Variants in CES5A observed in about 807,000 individuals in gnomAD.
CES5A encodes the protein carboxylesterase 5.
CES5A carries 67 observed loss-of-function variants against 62.9 expected under a neutral mutation model. That is an observed-to-expected ratio of 1.07 (90% CI 0.88 to 1.31). The LOEUF is 1.31. CES5A is among the 50% of genes most tolerant of loss of function. CES5A has a pLI of 0.00. For missense variants in CES5A, 748 were observed against 708.5 expected (o/e 1.06, Z -0.63); for synonymous variants, 296 against 280.8 (o/e 1.05, Z -0.54).
At chr16:55,878,570 C>T (rs2033722549), upstream of CES5A, among the ~76,000 whole-genome samples, 1 of 151,500 alleles carries the variant, frequency 6.6e-6, no homozygotes, top group Non-Finnish European at 1.5e-5. Context: ...CACTGCTACC[C>T]CATCACTGTA....
At chr16:55,918,390 T>C (rs188824306) in intron 1 of CES5A, among the ~76,000 whole-genome samples, 5 of 152,312 alleles carry the variant, frequency 3.3e-5, no homozygotes, top group Admixed American at 3.3e-4. Flanking sequence ...ATCATAATGC[T>C]GGCTCCCTCT....
At chr16:55,870,477 G>T (rs2033560465) in intron 3 of CES5A, among the ~76,000 whole-genome samples, 1 of 152,184 alleles carries the variant, frequency 6.6e-6, no homozygotes, top group Non-Finnish European at 1.5e-5. Context: ...GACGTGGGTG[G>T]ATTGCCTGAG....
chr16:55,882,017 A>G (rs1207359478), intron 1 of CES5A, among the ~76,000 whole-genome samples: 3 of 152,198 alleles, frequency 2.0e-5, no homozygotes, highest in African/African-American at 7.2e-5. Flanking sequence ...CAGGCAGCCA[A>G]CTTGAATGTT....
At chr16:55,898,295 GGC>G (rs1268781645) in intron 1 of CES5A, among the ~76,000 whole-genome samples, 1 of 152,104 alleles carries the variant, frequency 6.6e-6, no homozygotes, top group Non-Finnish European at 1.5e-5. Context: ...TCTGAAACGT[GGC>G]CATGAGGTGT....
Position 55,866,073 on chromosome 16 carries a change from G to A in CES5A, c.595C>T (p.Gln199Ter). The change falls in exon 5 of 13, where the codon CAG becomes TAG. Residue 199 changes from glutamine to a stop codon, truncating the protein, a stop_gained. Transcript: ENST00000290567. LOFTEE classifies it high-confidence loss of function. The part of the protein sequence containing the change: ...HAPGNWAFKD[Q>*]VAALSWVQKN... ...TGGACCCAGGACAGAGCAGCCACCT[G>A]GTCCTTGAAGGCCCAGTTCCCCGGA... 1 of 1,614,074 alleles carries A rather than the reference G, an allele frequency of 6.2e-7. No homozygotes were observed. Among genetic ancestry groups the A allele is most frequent in the Non-Finnish European group, 8.5e-7 (1 of 1,179,972 alleles).
At chr16:55,949,312 T>C (rs1056799832) in intron 2 of CES5A, among the ~76,000 whole-genome samples, 7 of 152,154 alleles carry the variant, frequency 4.6e-5, no homozygotes, top group Non-Finnish European at 5.9e-5. Context: ...GAGGTGATCC[T>C]TCGGAACTGC....
chr16:55,865,828 G>A, intron 5 of CES5A, 135 bp downstream of exon 5: 1 of 977,516 alleles, frequency 1.0e-6, no homozygotes. Context: ...ATAATGTGTT[G>A]TGAGGCTTGA....
chr16:55,928,478 A>C (rs1439232604), upstream of CES5A, among the ~76,000 whole-genome samples: 2 of 152,226 alleles, frequency 1.3e-5, no homozygotes, highest in East Asian at 3.9e-4. Flanking sequence ...CAATGTACAC[A>C]GTTCAGGTGA....
chr16:55,877,355 C>G (rs1325058738), upstream of CES5A, among the ~76,000 whole-genome samples: 1 of 151,710 alleles, frequency 6.6e-6, no homozygotes, highest in African/African-American at 2.4e-5. Context: ...ACCAGAGAGG[C>G]GAAGAATTCT....
upstream of CES5A, among the ~76,000 whole-genome samples, chr16:55,925,777 A>C (rs928534051): frequency 2.0e-5 from 3 of 152,088 alleles, no homozygotes; most frequent in Non-Finnish European, 2.9e-5. Flanking sequence ...CAAATATCAC[A>C]TGTTAAATGG....
chr16:55,878,447 T>C (rs1204113672), upstream of CES5A, among the ~76,000 whole-genome samples: 1 of 151,918 alleles, frequency 6.6e-6, no homozygotes, highest in African/African-American at 2.4e-5. Flanking sequence ...CATAACCTGT[T>C]TCTCCAAACA....
intron 2 of CES5A, chr16:55,949,702 A>G (rs374139307): frequency 4.5e-5 from 21 of 468,404 alleles, no homozygotes; most frequent in African/African-American, 3.4e-4. Flanking sequence ...TATGCCACCA[A>G]TGGAACCATG....
chr16:55,862,775 G>A (rs1303555893), intron 6 of CES5A, among the ~76,000 whole-genome samples: 19 of 152,118 alleles, frequency 1.2e-4, no homozygotes, highest in African/African-American at 3.6e-4. Context: ...TCATTCATCC[G>A]GAACACTTAT....
intron 10 of CES5A, among the ~76,000 whole-genome samples, chr16:55,851,368 T>C (rs1476030536): frequency 6.6e-6 from 1 of 152,030 alleles, no homozygotes; most frequent in African/African-American, 2.4e-5. Flanking sequence ...TATACAAATG[T>C]CCAATAAGCA....
chr16:55,911,388 A>G (rs1251515480), intron 1 of CES5A, among the ~76,000 whole-genome samples: 5 of 152,208 alleles, frequency 3.3e-5, no homozygotes, highest in African/African-American at 4.8e-5. Context: ...ATCTATTAAT[A>G]AGGACAAGAA....
At chr16:55,878,826 A>AT (rs2033727877), upstream of CES5A, among the ~76,000 whole-genome samples, 2 of 109,476 alleles carry the variant, frequency 1.8e-5, no homozygotes, top group African/African-American at 3.6e-5. Context: ...CCATCACTAC[A>AT]CCCATCACTG....
At chr16:55,885,116 T>C (rs952873247) in intron 1 of CES5A, among the ~76,000 whole-genome samples, 3 of 152,234 alleles carry the variant, frequency 2.0e-5, no homozygotes, top group African/African-American at 7.2e-5. Flanking sequence ...TAGCCATACC[T>C]GGCCTACTCT....
chr16:55,918,191 C>G (rs1347179807), intron 1 of CES5A, among the ~76,000 whole-genome samples: 1 of 152,290 alleles, frequency 6.6e-6, no homozygotes, highest in East Asian at 1.9e-4. Context: ...TGACCAACAT[C>G]TACCCAAGGC....
intron 8 of CES5A, among the ~76,000 whole-genome samples, 198 bp from the exon 9 acceptor site, chr16:55,856,643 T>G (rs2033250364): frequency 6.6e-6 from 1 of 152,232 alleles, no homozygotes. Context: ...AGGCAGCTGT[T>G]CCTTGTCATT....
Sources: allele counts gnomAD v4.1 joint callset (sites outside exome capture counted in the v4.1 genomes callset), GRCh38; gene constraint gnomAD v4.1.1; transcripts MANE v1.5; gene names NCBI Gene and HGNC (gene_info 2026-07-23, HGNC 2026-07-21).